NECTIN3: variants seen among roughly 807,000 people sequenced by gnomAD.
NECTIN3 encodes the protein nectin cell adhesion molecule 3, also known as nectin-3.
NECTIN3 carries 8 observed loss-of-function variants against 49.4 expected under a neutral mutation model. The observed-to-expected ratio is 0.16, with a 90% CI of 0.10 to 0.29. NECTIN3 has a LOEUF of 0.29. Among genes scored for constraint, NECTIN3 ranks in the 10% least tolerant of loss-of-function variants. The pLI, the probability that NECTIN3 is intolerant of heterozygous loss-of-function variation, is 1.00. For synonymous variants in NECTIN3, 277 were observed against 241.1 expected (o/e 1.15, Z -1.38); for missense variants, 581 against 654.6 (o/e 0.89, Z 1.23).
Position 111,118,226 on chromosome 3 carries a change from AT to A in NECTIN3, c.503-423del, listed in dbSNP as rs1305945516. Among the ~76,000 whole-genome samples the A allele has an allele frequency of 2.9e-3, 373 of 129,394 alleles. 1 individual carries two copies. The highest frequency in any genetic ancestry group is 0.019 in the Middle Eastern group (4 of 216). 84.9% of individuals were successfully genotyped at this position (129,394 alleles called of 152,430 possible). ...TATTTTTAAAAGTATTTGCTTTAAA[AT>A]TTTTTTACTGTAAAATGAAGCTATA... On this transcript the variant is annotated intron_variant, in intron 2 of 5. Transcript: ENST00000485303.
At chr3:111,142,941 A>G (rs1232384399) in intron 5 of NECTIN3, among the ~76,000 whole-genome samples, 1 of 151,918 alleles carries the variant, frequency 6.6e-6, no homozygotes, top group African/African-American at 2.4e-5. Context: ...ATTGGTGTGG[A>G]GTAAATAACG....
At chr3:111,101,123 A>G (rs1028154001) in intron 1 of NECTIN3, among the ~76,000 whole-genome samples, 1 of 152,086 alleles carries the variant, frequency 6.6e-6, no homozygotes, top group Non-Finnish European at 1.5e-5. Context: ...GATACCCCCT[A>G]AGGTCTCTTC....
At chr3:111,187,264 A>C (rs2035737924) in intron 7 of NECTIN3, among the ~76,000 whole-genome samples, 1 of 152,150 alleles carries the variant, frequency 6.6e-6, no homozygotes, top group Non-Finnish European at 1.5e-5. Flanking sequence ...TTAGCCAGGC[A>C]TGGTGGTGTG....
In NECTIN3 at chr3:111,157,833, A is replaced by G. The variant is rs146712516; in HGVS notation, c.1221+10349A>G. On this transcript the variant is annotated intron_variant, in intron 7 of 8. Transcript: ENST00000493615. Reference sequence around the variant, plus strand: ...TATAGATAGTAAATTGAAAAGTAACATTGGTATTACTTGAGACCAATGTTC... The same window carrying G: ...TATAGATAGTAAATTGAAAAGTAACGTTGGTATTACTTGAGACCAATGTTC... Among the ~76,000 whole-genome samples, 299 of 152,156 alleles carry G rather than the reference A, an allele frequency of 2.0e-3. 3 individuals are homozygous for G. Among genetic ancestry groups the G allele is most frequent in the Non-Finnish European group, 3.1e-3 (210 of 67,916 alleles).
chr3:111,150,672 A>G lies in NECTIN3; in HGVS notation c.1221+3188A>G, dbSNP rs377631552. Among the ~76,000 whole-genome samples, 7 of 152,020 alleles carry G rather than the reference A, an allele frequency of 4.6e-5. No individual in the cohort carries two copies. In the East Asian group the frequency reaches 7.7e-4, roughly 17 times the overall value. The stretch of plus-strand genomic sequence containing the variant: ...TTTTCTAATTATCTGAAGACTATTC[A>G]AATAGTCTCCCTTTTCCAACTAATG... On this transcript the variant is annotated intron_variant, in intron 7 of 8. Coordinates refer to the NECTIN3 transcript ENST00000493615.
At chr3:111,174,741 G>A in intron 7 of NECTIN3, among the ~76,000 whole-genome samples, 1 of 121,318 alleles carries the variant, frequency 8.2e-6, no homozygotes, top group African/African-American at 3.1e-5. Context: ...TGGGGGGTGG[G>A]GCGAGCATGC....
intron 1 of NECTIN3, among the ~76,000 whole-genome samples, chr3:111,093,977 C>T (rs1366980535): frequency 1.3e-5 from 2 of 152,044 alleles, no homozygotes; most frequent in Non-Finnish European, 2.9e-5. Context: ...TGATCTACTG[C>T]TTTAGAATAT....
intron 2 of NECTIN3, 88 bp downstream of exon 2, chr3:111,112,459 A>G: frequency 2.3e-6 from 2 of 871,934 alleles, no homozygotes; most frequent in Non-Finnish European, 3.4e-6. Context: ...TTGAAATTTG[A>G]TTTAACTTTA....
chr3:111,184,753 G>C (rs1232192570), intron 7 of NECTIN3, among the ~76,000 whole-genome samples: 3 of 152,186 alleles, frequency 2.0e-5, no homozygotes, highest in Admixed American at 6.5e-5. Flanking sequence ...TTTGAATTTT[G>C]TTCTTATTTC....
chr3:111,081,268 A>C (rs2031586090), intron 1 of NECTIN3, among the ~76,000 whole-genome samples: 1 of 152,248 alleles, frequency 6.6e-6, no homozygotes, highest in Non-Finnish European at 1.5e-5. Context: ...ACAACAGGGC[A>C]AGACTCTGTT....
At chr3:111,088,824 A>G (rs979513392) in intron 1 of NECTIN3, among the ~76,000 whole-genome samples, 9 of 152,300 alleles carry the variant, frequency 5.9e-5, no homozygotes, top group African/African-American at 2.2e-4. Flanking sequence ...TTTGGTGTCA[A>G]GGCTGTGCTG....
chr3:111,114,113 C>A (rs1033050332), intron 2 of NECTIN3, among the ~76,000 whole-genome samples: 3 of 152,106 alleles, frequency 2.0e-5, no homozygotes, highest in Non-Finnish European at 4.4e-5. Context: ...TACTTATTGG[C>A]TTAAAATCCA....
intron 1 of NECTIN3, among the ~76,000 whole-genome samples, chr3:111,088,559 CA>C (rs2032070258): frequency 6.6e-6 from 1 of 151,984 alleles, no homozygotes; most frequent in Non-Finnish European, 1.5e-5. Flanking sequence ...TTTTTTCCCC[CA>C]TTTTTTTAAT....
chr3:111,165,537 G>A (rs1174765565), intron 7 of NECTIN3, among the ~76,000 whole-genome samples: 1 of 152,138 alleles, frequency 6.6e-6, no homozygotes, highest in Non-Finnish European at 1.5e-5. Flanking sequence ...GAAATGTAAG[G>A]AGAAGATTGA....
rs146926487 is a variant in NECTIN3, at chr3:111,079,023, T to G, written c.160+6846T>G. On this transcript the variant is annotated intron_variant, in intron 1 of 5. Transcript: ENST00000485303. ...ATGCTAATGTGAAACTGTGCAGGGC[T>G]AGGACTCCAACTAAGTGTCTGAGAA... Among the ~76,000 whole-genome samples the G allele has an allele frequency of 3.9e-3, 598 of 152,248 alleles. 6 individuals carry two copies. Among genetic ancestry groups the G allele is most frequent in the African/African-American group, 0.013 (555 of 41,576 alleles).
chr3:111,083,511 G>A (rs1223742923), intron 1 of NECTIN3, among the ~76,000 whole-genome samples: 1 of 152,178 alleles, frequency 6.6e-6, no homozygotes, highest in Non-Finnish European at 1.5e-5. Context: ...GCAGGCATCT[G>A]CATGCCAGGA....
intron 1 of NECTIN3, among the ~76,000 whole-genome samples, chr3:111,104,096 AGT>A (rs1360769918): frequency 6.6e-6 from 1 of 152,168 alleles, no homozygotes; most frequent in East Asian, 1.9e-4. Context: ...AGTGTATTCC[AGT>A]GTGGTTTTAC....
intron 1 of NECTIN3, among the ~76,000 whole-genome samples, chr3:111,105,151 T>TTTTTTC (rs546502898): frequency 1.7e-4 from 2 of 11,764 alleles, no homozygotes; most frequent in Non-Finnish European, 6.6e-3. Context: ...TTCTTTTTTC[T>TTTTTTC]TTTTTTTTTG....
At chr3:111,141,728 A>G (rs1002666919), downstream of NECTIN3, among the ~76,000 whole-genome samples, 7 of 151,866 alleles carry the variant, frequency 4.6e-5, no homozygotes, top group African/African-American at 1.7e-4. Flanking sequence ...CTTTTTTTAG[A>G]AATGCATGCA....
Sources: allele counts gnomAD v4.1 joint callset (sites outside exome capture counted in the v4.1 genomes callset), GRCh38; gene constraint gnomAD v4.1.1; transcripts MANE v1.5; gene names NCBI Gene and HGNC (gene_info 2026-07-23, HGNC 2026-07-21).